TTLL7: variants seen among roughly 807,000 people sequenced by gnomAD.
The protein encoded by TTLL7 is tubulin tyrosine ligase like 7.
Under a neutral mutation model 120.2 loss-of-function variants are expected in TTLL7, and 53 were observed. That is an observed-to-expected ratio of 0.44 (90% CI 0.35 to 0.55). The LOEUF (loss-of-function observed/expected upper bound fraction) is 0.55, where lower values mean the gene tolerates loss of function less well. Among genes scored for constraint, TTLL7 ranks in the 20% least tolerant of loss-of-function variants. The pLI is 0.00. For synonymous variants in TTLL7, 353 were observed against 351.7 expected, an observed-to-expected ratio of 1.00 and a Z score of -0.04; for missense variants, 803 against 1,054.7, an observed-to-expected ratio of 0.76 and a Z score of 3.31.
rs142275493 is a variant in TTLL7 at position 83,896,235 on chromosome 1, T to C, written c.2209-5754A>G. On this transcript the variant is annotated intron_variant, in intron 18 of 20. Transcript: ENST00000260505. ...TTATAGAATATAGGTATCCATTTCC[T>C]TACATTATGACTTTTAAAAGCATCC... Among the ~76,000 whole-genome samples, 325 of 152,182 alleles carry C rather than the reference T, an allele frequency of 2.1e-3. 1 individual carries two copies. The highest frequency in any genetic ancestry group is 7.6e-3 in the African/African-American group (314 of 41,560).
chr1:83,905,532 CATAT>C, intron 17 of TTLL7, among the ~76,000 whole-genome samples: 1 of 144,726 alleles, frequency 6.9e-6, no homozygotes, highest in African/African-American at 2.5e-5. Context: ...GAAAAAAAAA[CATAT>C]ATTTTATATA....
intron 20 of TTLL7, among the ~76,000 whole-genome samples, chr1:83,876,412 G>C (rs1653932015): frequency 6.6e-6 from 1 of 151,708 alleles, no homozygotes; most frequent in Non-Finnish European, 1.5e-5. Context: ...ACTTATTCTT[G>C]GTCCTTTGCT....
In TTLL7 at chr1:83,994,441, C is replaced by T. The variant is rs1653300026; in HGVS notation, c.-177+4490G>A. Among the ~76,000 whole-genome samples, 3 of 152,206 alleles carry T rather than the reference C, an allele frequency of 2.0e-5. No homozygotes were observed. The South Asian group carries it at 6.2e-4, about 32-fold the overall frequency. ...TCAGGAGCCCAAAGGACCCGTCCAACACTGGGCCCCTGCCCTTCTCATTGC... is the reference window on the plus strand; with the variant it reads ...TCAGGAGCCCAAAGGACCCGTCCAATACTGGGCCCCTGCCCTTCTCATTGC... On this transcript the variant is annotated intron_variant, in intron 1 of 20. Coordinates refer to ENST00000260505, the MANE Select transcript of TTLL7 (RefSeq NM_024686.6).
At chr1:83,984,993 A>G (rs1298722192) in intron 1 of TTLL7, among the ~76,000 whole-genome samples, 1 of 152,210 alleles carries the variant, frequency 6.6e-6, no homozygotes, top group Non-Finnish European at 1.5e-5. Context: ...CAAAACTGAC[A>G]AGGATTTTGT....
chr1:83,874,010 C>G (rs1444947581), intron 20 of TTLL7, among the ~76,000 whole-genome samples: 2 of 152,112 alleles, frequency 1.3e-5, no homozygotes, highest in Non-Finnish European at 2.9e-5. Context: ...GTTTTTCTTA[C>G]CATTTTTAAT....
rs114155549 is a variant in TTLL7 at position 83,995,693 on chromosome 1, C to G, written c.-177+3238G>C. On this transcript the variant is annotated intron_variant, in intron 1 of 20. Transcript: ENST00000260505. ...AAGAACTCAGTAGTTTCAAAACTTG[C>G]TTAAAATAGTGCAACTTCAAGACCT... Among the ~76,000 whole-genome samples, 566 of 152,136 alleles carry G rather than the reference C, an allele frequency of 3.7e-3. 1 individual carries two copies. The highest frequency in any genetic ancestry group is 0.013 in the African/African-American group (535 of 41,520).
chr1:83,888,626 C>T (rs1206467504), intron 19 of TTLL7, among the ~76,000 whole-genome samples: 1 of 151,858 alleles, frequency 6.6e-6, no homozygotes, highest in Non-Finnish European at 1.5e-5. Context: ...TTTGGGGTGG[C>T]AGAAAGCCAT....
chr1:83,913,812 T>C (rs1270076457), intron 14 of TTLL7, among the ~76,000 whole-genome samples: 3 of 119,168 alleles, frequency 2.5e-5, no homozygotes, highest in East Asian at 2.1e-4. Flanking sequence ...CAAGAGGTTA[T>C]AGTTTTGTTT....
At position 83,958,996 on chromosome 1, in the gene TTLL7, C is replaced by T. The variant is rs563338692; in HGVS notation, c.-176-6609G>A. Among the ~76,000 whole-genome samples, 9 of 152,188 alleles carry T rather than the reference C, an allele frequency of 5.9e-5. No individual in the cohort carries two copies. The South Asian group carries it at 1.9e-3, about 32-fold the overall frequency. On this transcript the variant is annotated intron_variant, in intron 1 of 20. Transcript: ENST00000260505. ...CAGATACAAATTTTTGAACTTAAAG[C>T]CCTTCTTTAAAACATGTAAAACTTA...
At chr1:83,916,561 A>C (rs1658205162) in intron 14 of TTLL7, among the ~76,000 whole-genome samples, 1 of 152,110 alleles carries the variant, frequency 6.6e-6, no homozygotes, top group African/African-American at 2.4e-5. Flanking sequence ...TAATGGGTGC[A>C]GCACACCAAC....
At chr1:83,972,883 T>C (rs1651120887) in intron 1 of TTLL7, among the ~76,000 whole-genome samples, 1 of 152,110 alleles carries the variant, frequency 6.6e-6, no homozygotes, top group African/African-American at 2.4e-5. Flanking sequence ...TTTAGTGAGA[T>C]ATCTGTTAAG....
At chr1:83,908,729 G>A (rs1222341767) in intron 15 of TTLL7, among the ~76,000 whole-genome samples, 1 of 151,548 alleles carries the variant, frequency 6.6e-6, no homozygotes, top group Non-Finnish European at 1.5e-5. Context: ...TCTGCTTGAG[G>A]AATATATCTT....
rs1653085339 is a variant in TTLL7 at position 83,868,704 on chromosome 1, G to A, written c.*1258C>T. On this transcript the variant is annotated 3_prime_UTR_variant, in exon 21 of 21. Transcript: ENST00000260505. Reference sequence around the variant, plus strand: ...CCTGTAACACTAAAATGAGTGAAATGTGTCAACTCTTCTACTTCTGCGAAA... The same window carrying A: ...CCTGTAACACTAAAATGAGTGAAATATGTCAACTCTTCTACTTCTGCGAAA... 1 of 152,114 alleles carries A rather than the reference G, an allele frequency of 6.6e-6. No homozygotes were observed. The highest frequency in any genetic ancestry group is 1.5e-5 in the Non-Finnish European group (1 of 68,006). The allele number at this position is 152,114 out of a possible 1,614,324, so 9.4% of individuals were successfully genotyped here.
At position 83,890,306 on chromosome 1, in the gene TTLL7, T is replaced by A; in HGVS notation, c.2369+15A>T. The A allele has an allele frequency of 6.3e-7, 1 of 1,580,384 alleles. No individual in the cohort carries two copies. Among genetic ancestry groups the A allele is most frequent in the Non-Finnish European group, 8.5e-7 (1 of 1,170,146 alleles). ...TATTAAAAATGACGATAATAAAAGATGACTTAGAGCTTACCCTGAATCACA... is the reference window on the plus strand; with the variant it reads ...TATTAAAAATGACGATAATAAAAGAAGACTTAGAGCTTACCCTGAATCACA... On this transcript the variant is annotated intron_variant, in intron 19 of 20. Coordinates refer to ENST00000260505, the MANE Select transcript of TTLL7 (RefSeq NM_024686.6).
chr1:83,981,323 T>A (rs1026250299), intron 1 of TTLL7: 3 of 151,654 alleles, frequency 2.0e-5, no homozygotes, highest in African/African-American at 4.8e-5. Flanking sequence ...ATCATGCAAG[T>A]ATTTATTTTT....
At chr1:83,957,572 A>T (rs1571307989) in intron 1 of TTLL7, among the ~76,000 whole-genome samples, 3 of 152,154 alleles carry the variant, frequency 2.0e-5, no homozygotes, top group Non-Finnish European at 4.4e-5. Flanking sequence ...ATATGGGAAA[A>T]TGTAGGCTCC....
intron 8 of TTLL7, among the ~76,000 whole-genome samples, chr1:83,934,447 A>G (rs1026257020): frequency 1.3e-5 from 2 of 152,212 alleles, no homozygotes; most frequent in African/African-American, 4.8e-5. Context: ...AAAGGGCTGG[A>G]AGACAAAATC....
In TTLL7 at chr1:83,907,609, A is replaced by G; in HGVS notation, c.1839T>C (p.Pro613=). The change falls in exon 16 of 21, where the codon CCT becomes CCC. Residue 613 remains proline (P), a synonymous_variant. Transcript: ENST00000260505. ...AAAATGGGCGGGTGTCCCCACTGGA[A>G]GGTGATTGAGCAGAGATGGACCGAG... is the stretch of plus-strand genomic sequence containing the variant. The part of the protein sequence containing the change: ...SCPRSISAQS[P]SSGDTRPFSA... The G allele has an allele frequency of 6.2e-7, 1 of 1,613,254 alleles. No individual in the cohort carries two copies. Among genetic ancestry groups the G allele is most frequent in the East Asian group, 2.2e-5 (1 of 44,810 alleles).
chr1:83,874,491 C>T (rs962814805), intron 20 of TTLL7, among the ~76,000 whole-genome samples: 3 of 152,070 alleles, frequency 2.0e-5, no homozygotes, highest in East Asian at 1.9e-4. Context: ...GTAAACACCT[C>T]GGGGTAGAAT....
Sources: allele counts gnomAD v4.1 joint callset (sites outside exome capture counted in the v4.1 genomes callset), GRCh38; gene constraint gnomAD v4.1.1; transcripts MANE v1.5; gene names NCBI Gene and HGNC (gene_info 2026-07-23, HGNC 2026-07-21).